GUCY1A1: variants seen among roughly 807,000 people sequenced by gnomAD.
GUCY1A1 encodes the protein guanylate cyclase soluble subunit alpha-1.
In GUCY1A1, 48 loss-of-function variants were observed where a neutral mutation model predicts 64.5. That is an observed-to-expected ratio of 0.74 (90% CI 0.59 to 0.95). GUCY1A1 has a LOEUF of 0.95. Ranked by LOEUF, GUCY1A1 falls within the 40% of genes least tolerant of loss-of-function variation. The pLI is 0.00. For synonymous variants in GUCY1A1, 308 were observed against 303.4 expected (o/e 1.02, Z -0.16); for missense variants, 804 against 825.3 (o/e 0.97, Z 0.32).
In GUCY1A1 at chr4:155,716,202, A is replaced by G. The variant is rs1248369829; in HGVS notation, c.1573-957A>G. Among the ~76,000 whole-genome samples the G allele has an allele frequency of 2.0e-5, 3 of 152,130 alleles. 1 individual carries two copies. The highest frequency in any genetic ancestry group is 2.0e-4 in the Admixed American group (3 of 15,270). ...TAGGAGAAAGACAGGTAAAGAAGAA[A>G]TCTGGAGCCATAATAAGGGTATCAG... is the stretch of plus-strand genomic sequence containing the variant. On this transcript the variant is annotated intron_variant, in intron 7 of 9. Transcript: ENST00000506455.
Position 155,697,063 on chromosome 4 carries a change from C to T in GUCY1A1, c.196C>T (p.Arg66Trp), listed in dbSNP as rs143862431. 24 of 1,613,096 alleles carry T rather than the reference C, an allele frequency of 1.5e-5. No individual in the cohort carries two copies. The highest frequency in any genetic ancestry group is 9.9e-5 in the South Asian group (9 of 91,054). Residue 66 changes from arginine (R) to tryptophan (W), a missense_variant, in exon 3 of 10, where the codon CGG becomes TGG. Arg to Trp is a moderately radical substitution (Grantham distance 101). Coordinates refer to ENST00000506455, the MANE Select transcript of GUCY1A1 (RefSeq NM_001130682.3). The stretch of plus-strand genomic sequence containing the variant: ...AAGTCTTCCTCAAAGAAAAACCAGT[C>T]GGAGCCGAGTCTATCTTCACACTTT... The part of the protein sequence containing the change: ...QESLPQRKTS[R>W]SRVYLHTLAE...
At chr4:155,683,754 G>A (rs1007753922) in intron 2 of GUCY1A1, among the ~76,000 whole-genome samples, 1 of 152,106 alleles carries the variant, frequency 6.6e-6, no homozygotes, top group Non-Finnish European at 1.5e-5. Context: ...ATAGACGAAA[G>A]GTAATCTTCT....
chr4:155,717,424 T>C (rs568150451), intron 8 of GUCY1A1, 122 bp downstream of exon 8: 12 of 523,274 alleles, frequency 2.3e-5, no homozygotes, highest in Non-Finnish European at 3.5e-5. Context: ...AAAATCTATA[T>C]AGAGAACACA....
chr4:155,715,594 AC>A (rs1472862065), intron 7 of GUCY1A1, among the ~76,000 whole-genome samples: 1 of 152,218 alleles, frequency 6.6e-6, no homozygotes, highest in East Asian at 1.9e-4. Flanking sequence ...TGCAGTATGC[AC>A]AAAGGGCTGC....
chr4:155,688,593 G>A (rs923387630), intron 2 of GUCY1A1, among the ~76,000 whole-genome samples: 1 of 152,116 alleles, frequency 6.6e-6, no homozygotes, highest in African/African-American at 2.4e-5. Context: ...AGGTTGGTAG[G>A]TTGGCTTTTC....
chr4:155,698,236 G>GACGGATAA (rs1485801515), intron 3 of GUCY1A1, among the ~76,000 whole-genome samples: 1 of 141,206 alleles, frequency 7.1e-6, no homozygotes, highest in Admixed American at 7.4e-5. Context: ...AAGTTTGAAA[G>GACGGATAA]ATGGATAAAT....
intron 3 of GUCY1A1, among the ~76,000 whole-genome samples, chr4:155,702,621 C>A (rs1731239501): frequency 6.6e-6 from 1 of 152,078 alleles, no homozygotes; most frequent in African/African-American, 2.4e-5. Context: ...CAGATAGTAT[C>A]CTTTCTCTCT....
intron 9 of GUCY1A1, among the ~76,000 whole-genome samples, chr4:155,723,329 G>C (rs368299000): frequency 6.6e-6 from 1 of 152,226 alleles, no homozygotes; most frequent in East Asian, 1.9e-4. Context: ...GGAGCCACGT[G>C]TCATCTAGCA....
At chr4:155,727,824 T>C (rs995297396) in intron 9 of GUCY1A1, among the ~76,000 whole-genome samples, 1 of 151,728 alleles carries the variant, frequency 6.6e-6, no homozygotes, top group African/African-American at 2.4e-5. Flanking sequence ...AAATAGAAAC[T>C]CTTACATGGT....
At chr4:155,702,958 C>CTA (rs1731285137) in intron 3 of GUCY1A1, among the ~76,000 whole-genome samples, 2 of 150,102 alleles carry the variant, frequency 1.3e-5, no homozygotes, top group South Asian at 4.2e-4. Flanking sequence ...ATCAATGGTT[C>CTA]TATATATATA....
intron 4 of GUCY1A1, among the ~76,000 whole-genome samples, chr4:155,705,523 G>A (rs931405767): frequency 1.5e-4 from 21 of 135,914 alleles, no homozygotes; most frequent in African/African-American, 5.7e-4. Flanking sequence ...CTGGGCGACA[G>A]AGTGAGACTC....
chr4:155,673,821 A>G (rs573128255), intron 2 of GUCY1A1, among the ~76,000 whole-genome samples: 3 of 150,716 alleles, frequency 2.0e-5, no homozygotes, highest in Non-Finnish European at 4.4e-5. Context: ...GTAGATCTCA[A>G]ACTAAGCTCT....
At chr4:155,670,586 G>A (rs1006446035) in intron 2 of GUCY1A1, among the ~76,000 whole-genome samples, 1 of 152,152 alleles carries the variant, frequency 6.6e-6, no homozygotes, top group Non-Finnish European at 1.5e-5. Context: ...ATTTTGGAGG[G>A]GTGAAAGAAG....
rs13129835 is a variant in GUCY1A1, at chr4:155,733,048, A to G, written c.*2817A>G. On this transcript the variant is annotated 3_prime_UTR_variant, in exon 10 of 10. Coordinates refer to ENST00000506455, the MANE Select transcript of GUCY1A1 (RefSeq NM_001130682.3). ...CGATCTAGACTTTGTAGGAAAATGC[A>G]AAGCGTATATTTAAGAAAACCTAAA... 0.038 allele frequency among the ~76,000 whole-genome samples: 5,760 copies of G among 151,946 alleles called. 140 individuals carry two copies. The highest frequency in any genetic ancestry group is 0.075 in the Middle Eastern group (22 of 294).
chr4:155,709,847 A>T (rs1732314264), intron 5 of GUCY1A1, among the ~76,000 whole-genome samples: 2 of 152,292 alleles, frequency 1.3e-5, no homozygotes, highest in East Asian at 1.9e-4. Context: ...AAGAAAAAAA[A>T]AATTGCCTCC....
At chr4:155,667,651 G>A (rs1397651360) in intron 2 of GUCY1A1, 3 of 151,916 alleles carry the variant, frequency 2.0e-5, no homozygotes, top group Non-Finnish European at 2.9e-5. Flanking sequence ...CGGCGCCCGA[G>A]GGAGGAGCAC....
intron 4 of GUCY1A1, among the ~76,000 whole-genome samples, chr4:155,705,078 G>T (rs1314185077): frequency 6.6e-6 from 1 of 152,120 alleles, no homozygotes; most frequent in African/African-American, 2.4e-5. Context: ...GTTTTGTAGA[G>T]ATGGGGTTTC....
intron 4 of GUCY1A1, among the ~76,000 whole-genome samples, chr4:155,705,535 ATC>A: frequency 3.2e-5 from 4 of 126,184 alleles, no homozygotes; most frequent in African/African-American, 1.1e-4. Flanking sequence ...GTGAGACTCC[ATC>A]TCAAAAAAAA....
Position 155,710,431 on chromosome 4 carries a change from A to T in GUCY1A1, c.377-111A>T, listed in dbSNP as rs944965512. 3 of 675,730 alleles carry T rather than the reference A, an allele frequency of 4.4e-6. No homozygotes were observed. The African/African-American group carries it at 5.4e-5, about 12-fold the overall frequency. The allele number at this position is 675,730 out of a possible 1,614,324, so 41.9% of individuals were successfully genotyped here. On this transcript the variant is annotated intron_variant, in intron 5 of 9. Transcript: ENST00000506455. ...TTTTGGTTGGAAATGTTATTAGCAGATATAAAGGGAGCTAAATCAGCAAAT... is the reference window on the plus strand; with the variant it reads ...TTTTGGTTGGAAATGTTATTAGCAGTTATAAAGGGAGCTAAATCAGCAAAT...
Sources: allele counts gnomAD v4.1 joint callset (sites outside exome capture counted in the v4.1 genomes callset), GRCh38; gene constraint gnomAD v4.1.1; transcripts MANE v1.5; gene names NCBI Gene and HGNC (gene_info 2026-07-23, HGNC 2026-07-21).